The following TRPV2 variants were observed in gnomAD, a reference collection of about 807,000 sequenced individuals.
TRPV2 encodes OTRPC2.
A neutral mutation model predicts 91.0 loss-of-function variants in TRPV2; 58 were observed. The observed-to-expected ratio is 0.64, with a 90% CI of 0.52 to 0.79. The LOEUF is 0.79. Ranked by LOEUF, TRPV2 falls within the 30% of genes least tolerant of loss-of-function variation. The pLI, the probability that TRPV2 is intolerant of heterozygous loss-of-function variation, is 0.00. For missense variants in TRPV2, 807 were observed against 969.6 expected (o/e 0.83, Z 2.23); for synonymous variants, 417 against 414.8 (o/e 1.01, Z -0.06).
At chr17:16,432,653 G>A (rs886186325) in intron 12 of TRPV2, among the ~76,000 whole-genome samples, 13 of 151,800 alleles carry the variant, frequency 8.6e-5, no homozygotes, top group Non-Finnish European at 1.9e-4. Context: ...TGTTGCCCCG[G>A]CCTCAGGTGA....
At chr17:16,429,301 C>G (rs936631652) in intron 10 of TRPV2, among the ~76,000 whole-genome samples, 2 of 152,204 alleles carry the variant, frequency 1.3e-5, no homozygotes, top group South Asian at 4.1e-4. Context: ...TGGGCGCGGG[C>G]ATGTAACTGC....
intron 1 of TRPV2, chr17:16,416,600 C>T (rs1295723387): frequency 1.3e-5 from 2 of 152,550 alleles, no homozygotes; most frequent in South Asian, 2.1e-4. Context: ...CTTCGTGAAG[C>T]CCCCAGAGGC....
intron 3 of TRPV2, 92 bp downstream of exon 3, chr17:16,420,340 G>T (rs1216395692): frequency 1.4e-6 from 2 of 1,446,768 alleles, no homozygotes; most frequent in Non-Finnish European, 1.9e-6. Flanking sequence ...AGGAGCTGAG[G>T]AGTGAGTGTT....
chr17:16,426,030 T>C lies in TRPV2; in HGVS notation c.925-69T>C, dbSNP rs928905442. The C allele has an allele frequency of 9.5e-6, 15 of 1,578,566 alleles. No individual in the cohort carries two copies. Among genetic ancestry groups the C allele is most frequent in the Non-Finnish European group, 1.3e-5 (15 of 1,154,304 alleles). On this transcript the variant is annotated intron_variant, in intron 5 of 14. Transcript: ENST00000338560. The surrounding 1 kb of genome is among the most constrained non-coding windows in gnomAD (Gnocchi z 6.0). ...GGGCAGCTGCTGAGTCCTGGGTGTTTCCCAGCCTTGGCCCAGGATCAGTGC... is the reference window on the plus strand; with the variant it reads ...GGGCAGCTGCTGAGTCCTGGGTGTTCCCCAGCCTTGGCCCAGGATCAGTGC...
intron 10 of TRPV2, among the ~76,000 whole-genome samples, chr17:16,429,898 C>T (rs12945742): frequency 0.38 from 56,855 of 149,840 alleles, 11,074 homozygotes; most frequent in Non-Finnish European, 0.4. Context: ...GAGTCTCACT[C>T]TTGTTACCTA....
At position 16,426,173 on chromosome 17, in the gene TRPV2, T is replaced by A. The variant is rs1487249746; in HGVS notation, c.999T>A (p.Tyr333Ter). The part of the protein sequence containing the change: ...HLSRKFTEWC[Y>*]GPVRVSLYDL... Reference sequence around the variant, plus strand: ...CCCGAAAGTTCACCGAGTGGTGCTATGGGCCTGTCCGGGTGTCGCTGTATG... The same window carrying A: ...CCCGAAAGTTCACCGAGTGGTGCTAAGGGCCTGTCCGGGTGTCGCTGTATG... The change falls in exon 6 of 15, where the codon TAT (tyrosine) becomes TAA (stop). Residue 333 changes from tyrosine (Y) to a stop codon, truncating the protein, a stop_gained. Transcript: ENST00000338560. LOFTEE classifies it high-confidence loss of function. The surrounding 1 kb of genome is among the most constrained non-coding windows in gnomAD (Gnocchi z 6.0). 3.7e-6 allele frequency: 6 copies of A among 1,614,180 alleles called. No homozygotes were observed. In the South Asian group the frequency reaches 5.5e-5, roughly 15 times the overall value.
At position 16,426,180 on chromosome 17, in the gene TRPV2, G is replaced by T; in HGVS notation, c.1006G>T (p.Val336Phe). 6.2e-7 allele frequency: 1 copy of T among 1,614,222 alleles called. No homozygotes were observed. The highest frequency in any genetic ancestry group is 8.5e-7 in the Non-Finnish European group (1 of 1,180,038). The change falls in exon 6 of 15, where the codon GTC becomes TTC. Residue 336 changes from valine (V) to phenylalanine (F), a missense_variant. By Grantham distance (50) the Val-to-Phe change is conservative. Coordinates refer to ENST00000338560, the MANE Select transcript of TRPV2 (RefSeq NM_016113.5). This position sits in a 1 kb window ranked among gnomAD's most constrained non-coding sequence, Gnocchi z 6.0. ...GTTCACCGAGTGGTGCTATGGGCCTGTCCGGGTGTCGCTGTATGACCTGGC... is the reference window on the plus strand; with the variant it reads ...GTTCACCGAGTGGTGCTATGGGCCTTTCCGGGTGTCGCTGTATGACCTGGC... ...RKFTEWCYGPVRVSLYDLASV... is the reference protein window; with the variant it reads ...RKFTEWCYGPFRVSLYDLASV...
intron 5 of TRPV2, among the ~76,000 whole-genome samples, chr17:16,424,823 C>T (rs1305778886): frequency 6.6e-6 from 1 of 151,064 alleles, no homozygotes; most frequent in Non-Finnish European, 1.5e-5. Flanking sequence ...TTATAATCTG[C>T]AAGTGTGACT....
In TRPV2 at chr17:16,426,808, C is replaced by T; in HGVS notation, c.1182C>T (p.Asn394=). 6.2e-7 allele frequency: 1 copy of T among 1,614,096 alleles called. No homozygotes were observed. Among genetic ancestry groups the T allele is most frequent in the Non-Finnish European group, 8.5e-7 (1 of 1,179,992 alleles). The change falls in exon 7 of 15, where the codon AAC becomes AAT. Residue 394 remains asparagine (N), a synonymous_variant. Transcript: ENST00000338560. This position sits in a 1 kb window ranked among gnomAD's most constrained non-coding sequence, Gnocchi z 6.0. The part of the protein sequence containing the change: ...WDLLIPKFFL[N]FLCNLIYMFI... ...TGCTCATCCCCAAGTTCTTCTTAAA[C>T]TTCCTGTGTAATCTGATCTACATGT...
At chr17:16,429,700 T>C (rs1042216809) in intron 10 of TRPV2, among the ~76,000 whole-genome samples, 2 of 151,948 alleles carry the variant, frequency 1.3e-5, no homozygotes, top group East Asian at 1.9e-4. Flanking sequence ...CTTGGGGTGC[T>C]TGGGACAGGG....
chr17:16,433,587 T>C lies in TRPV2; in HGVS notation c.2003T>C (p.Val668Ala). The C allele has an allele frequency of 6.2e-7, 1 of 1,614,138 alleles. No homozygotes were observed. Among genetic ancestry groups the C allele is most frequent in the Non-Finnish European group, 8.5e-7 (1 of 1,180,012 alleles). ...CTTTGTCCCCAGAAAGCCATCTCTG[T>C]CCTGGAGATGGAGAATGGCTATTGG... ...SIWKLQKAIS[V>A]LEMENGYWWC... The change falls in exon 13 of 15, where the codon GTC becomes GCC. Residue 668 changes from valine to alanine, a missense_variant. Coordinates refer to ENST00000338560, the MANE Select transcript of TRPV2 (RefSeq NM_016113.5).
chr17:16,432,012 A>G lies in TRPV2; in HGVS notation c.1701A>G (p.Thr567=), dbSNP rs2093415250. ...AGGCTTGGCGCCCCGAAGCTCCTACAGGCCCCAATGCCACAGAGTCAGTGC... is the reference window on the plus strand; with the variant it reads ...AGGCTTGGCGCCCCGAAGCTCCTACGGGCCCCAATGCCACAGAGTCAGTGC... ...SQEAWRPEAP[T]GPNATESVQP... Residue 567 remains threonine, a synonymous_variant, in exon 12 of 15, where the codon ACA becomes ACG. Transcript: ENST00000338560. 1.2e-6 allele frequency: 2 copies of G among 1,608,744 alleles called. No individual in the cohort carries two copies. Among genetic ancestry groups the G allele is most frequent in the East Asian group, 2.2e-5 (1 of 44,736 alleles).
chr17:16,420,634 A>G (rs1359533138), intron 3 of TRPV2, among the ~76,000 whole-genome samples: 1 of 152,222 alleles, frequency 6.6e-6, no homozygotes, highest in Non-Finnish European at 1.5e-5. Flanking sequence ...AAATATCTGT[A>G]TTGTTTGGGC....
intron 3 of TRPV2, among the ~76,000 whole-genome samples, chr17:16,421,267 T>C (rs2093355239): frequency 1.3e-5 from 2 of 151,928 alleles, no homozygotes; most frequent in South Asian, 4.2e-4. Flanking sequence ...TGGAGTACAG[T>C]GGTGCGATCT....
chr17:16,417,529 C>A, intron 1 of TRPV2, 33 bp from the exon 2 acceptor site: 2 of 853,154 alleles, frequency 2.3e-6, no homozygotes, highest in Non-Finnish European at 3.6e-6. Flanking sequence ...CCACGCCCAG[C>A]CTTTTGCACT....
chr17:16,424,942 CATT>C (rs1055422130), intron 5 of TRPV2, among the ~76,000 whole-genome samples: 6 of 146,462 alleles, frequency 4.1e-5, no homozygotes, highest in Non-Finnish European at 9.0e-5. Flanking sequence ...AACTATTATA[CATT>C]ATATTATACA....
At chr17:16,416,926 T>C (rs190440339) in intron 1 of TRPV2, among the ~76,000 whole-genome samples, 96 of 152,328 alleles carry the variant, frequency 6.3e-4, no homozygotes, top group South Asian at 6.2e-3. Flanking sequence ...TGTTGGAATA[T>C]TGGCTGCCAG....
Position 16,417,829 on chromosome 17 carries a change from T to C in TRPV2, c.161T>C (p.Ile54Thr). The change falls in exon 2 of 15, where the codon ATA becomes ACA. Residue 54 changes from isoleucine to threonine, a missense_variant. Ile to Thr is a moderately conservative substitution (Grantham distance 89). Transcript: ENST00000338560. ...GAGGACCGGAAATTCGCCCCTCAGATAAGAGTCAACCTCAACTACCGAAAG... is the reference window on the plus strand; with the variant it reads ...GAGGACCGGAAATTCGCCCCTCAGACAAGAGTCAACCTCAACTACCGAAAG... ...QGEDRKFAPQIRVNLNYRKGT... is the reference protein window; with the variant it reads ...QGEDRKFAPQTRVNLNYRKGT... 1 of 1,614,132 alleles carries C rather than the reference T, an allele frequency of 6.2e-7. No homozygotes were observed. Among genetic ancestry groups the C allele is most frequent in the Non-Finnish European group, 8.5e-7 (1 of 1,180,002 alleles).
intron 1 of TRPV2, among the ~76,000 whole-genome samples, chr17:16,417,342 G>A (rs1456107210): frequency 6.7e-6 from 1 of 149,076 alleles, no homozygotes; most frequent in Non-Finnish European, 1.5e-5. Context: ...CCGGGTTTAA[G>A]CAATTCTCCT....
Sources: gnomAD v4.1 joint callset for allele counts (sites outside exome capture counted in the v4.1 genomes callset) on GRCh38, gnomAD v4.1.1 for gene constraint, Gnocchi (gnomAD v3.1) non-coding constraint, MANE v1.5 for transcripts, NCBI Gene and HGNC (gene_info 2026-07-23, HGNC 2026-07-21) for gene names.